The following ATP6V1H variants were observed in gnomAD, a reference collection of about 807,000 sequenced individuals.
The protein encoded by ATP6V1H is V-type proton ATPase subunit H.
Under a neutral mutation model 71.7 loss-of-function variants are expected in ATP6V1H, and 39 were observed. The observed-to-expected ratio is 0.54, with a 90% CI of 0.42 to 0.71. The LOEUF is 0.71. Among genes scored for constraint, ATP6V1H ranks in the 30% least tolerant of loss-of-function variants. ATP6V1H has a pLI of 0.00. For synonymous variants in ATP6V1H, 192 were observed against 199.3 expected (o/e 0.96, Z 0.31); for missense variants, 509 against 594.9 (o/e 0.86, Z 1.50).
rs1251083776 is a variant in ATP6V1H at position 53,775,357 on chromosome 8, G to A, written c.871-3190C>T. On this transcript the variant is annotated intron_variant, in intron 9 of 13. Coordinates refer to ENST00000359530, the MANE Select transcript of ATP6V1H (RefSeq NM_015941.4). ...ACACAGCTCCCACAGTGTGGAAGGG[G>A]ACCGGAGCGGGTTGCCAATGCTGGC... Among the ~76,000 whole-genome samples, 4 of 152,228 alleles carry A rather than the reference G, an allele frequency of 2.6e-5. No homozygotes were observed. The South Asian group carries it at 8.3e-4, about 32-fold the overall frequency.
intron 4 of ATP6V1H, among the ~76,000 whole-genome samples, chr8:53,824,728 T>C (rs1810772548): frequency 6.6e-6 from 1 of 152,098 alleles, no homozygotes. Flanking sequence ...GACAAGTTCT[T>C]ATAAGCCATA....
At chr8:53,773,199 T>C (rs1290322867) in intron 9 of ATP6V1H, among the ~76,000 whole-genome samples, 4 of 152,238 alleles carry the variant, frequency 2.6e-5, no homozygotes, top group African/African-American at 9.6e-5. Flanking sequence ...CTAATATTCC[T>C]ACTCAGTGCT....
rs187302671 is a variant in ATP6V1H at position 53,791,849 on chromosome 8, G to A, written c.870+3798C>T. ...TTCACCAAACCATAAGACCTTCGAT[G>A]TCCAGCTCTATGTTGGTCATCTGTG... On this transcript the variant is annotated intron_variant, in intron 9 of 13. Coordinates refer to ENST00000359530, the MANE Select transcript of ATP6V1H (RefSeq NM_015941.4). Among the ~76,000 whole-genome samples, 355 of 152,230 alleles carry A rather than the reference G, an allele frequency of 2.3e-3. 1 individual carries two copies. Among genetic ancestry groups the A allele is most frequent in the Non-Finnish European group, 3.9e-3 (268 of 68,008 alleles).
At chr8:53,770,116 AAT>A (rs754248706) in intron 10 of ATP6V1H, among the ~76,000 whole-genome samples, 9 of 152,168 alleles carry the variant, frequency 5.9e-5, no homozygotes, top group African/African-American at 9.6e-5. Context: ...CAGGCAAAAT[AAT>A]ATGTTATGTA....
In ATP6V1H at chr8:53,806,660, T is replaced by C. The variant is rs1810086729; in HGVS notation, c.579+4504A>G. 22 of 253,676 alleles carry C rather than the reference T, an allele frequency of 8.7e-5. No homozygotes were observed. The South Asian group carries it at 9.4e-4, about 11-fold the overall frequency. The allele number at this position is 253,676 out of a possible 1,614,324, so 15.7% of individuals were successfully genotyped here. On this transcript the variant is annotated intron_variant, in intron 7 of 13. Coordinates refer to ENST00000359530, the MANE Select transcript of ATP6V1H (RefSeq NM_015941.4). ...GAGAACATAACTGATAAATACATAGTATTAGGTTAGCTTATTATTGTTATC... is the reference window on the plus strand; with the variant it reads ...GAGAACATAACTGATAAATACATAGCATTAGGTTAGCTTATTATTGTTATC...
chr8:53,746,390 G>A lies in ATP6V1H; in HGVS notation c.1278-2700C>T, dbSNP rs562186395. Among the ~76,000 whole-genome samples the A allele has an allele frequency of 6.6e-5, 10 of 151,550 alleles. 1 individual carries two copies. Among genetic ancestry groups the A allele is most frequent in the Admixed American group, 3.9e-4 (6 of 15,238 alleles). Reference sequence around the variant, plus strand: ...AGCAATTCTCCTGCCTCAGTCTCCCGAGTAGCTGGGATTACAGGTGCTCAC... The same window carrying A: ...AGCAATTCTCCTGCCTCAGTCTCCCAAGTAGCTGGGATTACAGGTGCTCAC... On this transcript the variant is annotated intron_variant, in intron 12 of 13. Coordinates refer to ENST00000359530, the MANE Select transcript of ATP6V1H (RefSeq NM_015941.4).
chr8:53,794,471 T>G (rs1448256167), intron 9 of ATP6V1H, among the ~76,000 whole-genome samples: 1 of 152,178 alleles, frequency 6.6e-6, no homozygotes, highest in Middle Eastern at 3.2e-3. Context: ...GTTCAAGCGA[T>G]TCTCCTGTCT....
In ATP6V1H at chr8:53,717,833, T is replaced by G. The variant is rs189955079; in HGVS notation, c.1392-1809A>C. Among the ~76,000 whole-genome samples, 347 of 152,340 alleles carry G rather than the reference T, an allele frequency of 2.3e-3. 2 individuals carry two copies. Among genetic ancestry groups the G allele is most frequent in the African/African-American group, 8.1e-3 (336 of 41,582 alleles). On this transcript the variant is annotated intron_variant, in intron 13 of 13. Transcript: ENST00000359530. ...AAGCCTGAAGTTAGATATGCTTCAT[T>G]TTAAGGAGGTCTTCAAATATTTCAA...
At chr8:53,790,611 C>A (rs1809536844) in intron 9 of ATP6V1H, among the ~76,000 whole-genome samples, 1 of 152,222 alleles carries the variant, frequency 6.6e-6, no homozygotes, top group South Asian at 2.1e-4. Flanking sequence ...AGCAACTTGG[C>A]CAAAGCCTGG....
At position 53,829,501 on chromosome 8, in the gene ATP6V1H, A is replaced by G. The variant is rs769500782; in HGVS notation, c.249T>C (p.His83=). 1.5e-5 allele frequency: 24 copies of G among 1,597,424 alleles called. No homozygotes were observed. The highest frequency in any genetic ancestry group is 1.8e-5 in the Admixed American group (1 of 56,560). ...ACTGAACGGTCTGTTCTTTGCAGAT[A>G]TGAGTCATCAGATTTATAAATGTTT... ...CAKTFINLMT[H]ICKEQTVQYI... is the part of the protein sequence containing the mutation. The change falls in exon 4 of 14, where the codon CAT becomes CAC. Residue 83 remains histidine (H), a synonymous_variant. Coordinates refer to ENST00000359530, the MANE Select transcript of ATP6V1H (RefSeq NM_015941.4).
At chr8:53,768,714 C>T (rs1381812529) in intron 11 of ATP6V1H, among the ~76,000 whole-genome samples, 2 of 152,098 alleles carry the variant, frequency 1.3e-5, no homozygotes, top group African/African-American at 4.8e-5. Context: ...ATTCCATTTA[C>T]ATGAAATTTC....
chr8:53,733,728 C>A (rs1247311193), intron 13 of ATP6V1H, among the ~76,000 whole-genome samples: 2 of 152,148 alleles, frequency 1.3e-5, no homozygotes, highest in South Asian at 2.1e-4. Flanking sequence ...CTTGGCAGTA[C>A]TGGCCAAACC....
rs1157545861 is a variant in ATP6V1H, at chr8:53,756,640, A to G, written c.1192T>C (p.Leu398=). 1 of 1,613,824 alleles carries G rather than the reference A, an allele frequency of 6.2e-7. No individual in the cohort carries two copies. Among genetic ancestry groups the G allele is most frequent in the Admixed American group, 1.7e-5 (1 of 59,994 alleles). The change falls in exon 12 of 14, where the codon TTG becomes CTG. Residue 398 remains leucine (L), a synonymous_variant. Coordinates refer to ENST00000359530, the MANE Select transcript of ATP6V1H (RefSeq NM_015941.4). ...YELLKILTKL[L]EVSDDPQVLA... is the part of the protein sequence containing the mutation. ...ACTTGGGGATCATCTGACACTTCCA[A>G]AAGTTTTGTCAAGATTCTGAAATAA...
At chr8:53,742,103 C>T (rs1807432867) in intron 13 of ATP6V1H, among the ~76,000 whole-genome samples, 1 of 152,138 alleles carries the variant, frequency 6.6e-6, no homozygotes, top group Admixed American at 6.5e-5. Context: ...CCTACAAGGC[C>T]CTACACGATC....
At chr8:53,769,411 G>GA (rs1808574671) in intron 11 of ATP6V1H, among the ~76,000 whole-genome samples, 1 of 152,092 alleles carries the variant, frequency 6.6e-6, no homozygotes. Context: ...CCTGTAGAAG[G>GA]AAAGAAAATA....
At chr8:53,762,822 A>C (rs1383142651) in intron 11 of ATP6V1H, among the ~76,000 whole-genome samples, 1 of 151,224 alleles carries the variant, frequency 6.6e-6, no homozygotes, top group Non-Finnish European at 1.5e-5. Context: ...GCACAGGTCC[A>C]CTTACACATG....
In ATP6V1H at chr8:53,805,263, T is replaced by A. The variant is rs192559167; in HGVS notation, c.580-3367A>T. ...AGTAAAAGGCATCTGTTCCACAGATTCATGGTGAAAATGCACAGCACATTG... is the reference window on the plus strand; with the variant it reads ...AGTAAAAGGCATCTGTTCCACAGATACATGGTGAAAATGCACAGCACATTG... On this transcript the variant is annotated intron_variant, in intron 7 of 13. Coordinates refer to ENST00000359530, the MANE Select transcript of ATP6V1H (RefSeq NM_015941.4). Among the ~76,000 whole-genome samples, 337 of 152,300 alleles carry A rather than the reference T, an allele frequency of 2.2e-3. 2 individuals are homozygous for A. Among genetic ancestry groups the A allele is most frequent in the African/African-American group, 7.8e-3 (326 of 41,568 alleles).
At chr8:53,816,454 C>G (rs1454238471) in intron 5 of ATP6V1H, among the ~76,000 whole-genome samples, 1 of 152,126 alleles carries the variant, frequency 6.6e-6, no homozygotes, top group East Asian at 1.9e-4. Flanking sequence ...CTTTCAGATT[C>G]CATGAAAAAT....
chr8:53,730,116 C>T lies in ATP6V1H; in HGVS notation c.1391+13461G>A, dbSNP rs142841884. 1.5e-3 allele frequency among the ~76,000 whole-genome samples: 231 copies of T among 152,266 alleles called. 1 individual carries two copies. Among genetic ancestry groups the T allele is most frequent in the Admixed American group, 2.5e-3 (39 of 15,296 alleles). ...AGCCTGGCTATGAATGTAGAAACCA[C>T]GCAAGAATGGGAGGTGGAAAACACT... On this transcript the variant is annotated intron_variant, in intron 13 of 13. Coordinates refer to ENST00000359530, the MANE Select transcript of ATP6V1H (RefSeq NM_015941.4).
Sources: gnomAD v4.1 joint callset for allele counts (sites outside exome capture counted in the v4.1 genomes callset) on GRCh38, gnomAD v4.1.1 for gene constraint, MANE v1.5 for transcripts, NCBI Gene and HGNC (gene_info 2026-07-23, HGNC 2026-07-21) for gene names.